ANKRD44: variants seen among roughly 807,000 people sequenced by gnomAD.
ANKRD44 encodes serine/threonine-protein phosphatase 6 regulatory ankyrin repeat subunit B.
A neutral mutation model predicts 116.0 loss-of-function variants in ANKRD44; 35 were observed. The ratio of observed to expected loss-of-function variants is 0.30; its 90% confidence interval spans 0.23 to 0.40. The LOEUF is 0.40. ANKRD44 is among the 10% of genes least tolerant of loss of function. ANKRD44 has a pLI of 1.00. For synonymous variants in ANKRD44, 435 were observed against 461.8 expected (o/e 0.94, Z 0.74); for missense variants, 1,014 against 1,242.6 (o/e 0.82, Z 2.77).
chr2:197,184,999 T>C (rs984137471), intron 2 of ANKRD44, among the ~76,000 whole-genome samples: 5 of 152,234 alleles, frequency 3.3e-5, no homozygotes, highest in Non-Finnish European at 7.3e-5. Context: ...TTTTTTGGTA[T>C]GTATGACAGA....
At chr2:197,307,475 A>G (rs1388710315) in intron 1 of ANKRD44, among the ~76,000 whole-genome samples, 2 of 152,052 alleles carry the variant, frequency 1.3e-5, no homozygotes, top group African/African-American at 4.8e-5. Context: ...CACTGTTACA[A>G]AAGTTACAAA....
intron 2 of ANKRD44, among the ~76,000 whole-genome samples, chr2:197,152,658 A>G (rs558781475): frequency 1.3e-3 from 191 of 152,348 alleles, no homozygotes; most frequent in African/African-American, 4.4e-3. Context: ...AGGTACATGC[A>G]AAGTGAGTTT....
At chr2:197,090,111 C>G in intron 10 of ANKRD44, 79 bp from the exon 11 acceptor site, 1 of 1,140,848 alleles carries the variant, frequency 8.8e-7, no homozygotes, top group East Asian at 2.4e-5. Flanking sequence ...TTTCTAGATT[C>G]TCTGATGAAA....
intron 9 of ANKRD44, among the ~76,000 whole-genome samples, chr2:197,102,431 C>T (rs1346102972): frequency 1.3e-5 from 2 of 152,148 alleles, no homozygotes; most frequent in African/African-American, 4.8e-5. Context: ...ACACTCTAAC[C>T]AGCACAGTAT....
intron 16 of ANKRD44, among the ~76,000 whole-genome samples, chr2:197,069,891 CTT>C (rs199988682): frequency 1.6e-4 from 23 of 144,648 alleles, no homozygotes; most frequent in Non-Finnish European, 2.0e-4. Flanking sequence ...AATGTCTCTC[CTT>C]TTTTTTTTTT....
At chr2:197,011,604 C>G (rs937743911) in intron 18 of ANKRD44, among the ~76,000 whole-genome samples, 82 of 152,078 alleles carry the variant, frequency 5.4e-4, no homozygotes, top group African/African-American at 1.9e-3. Context: ...TCCCGAGTAG[C>G]TGGGACTACA....
Position 197,203,103 on chromosome 2 carries a change from G to A in ANKRD44, c.28-15997C>T, listed in dbSNP as rs192696911. Among the ~76,000 whole-genome samples, 4 of 152,120 alleles carry A rather than the reference G, an allele frequency of 2.6e-5. No individual in the cohort carries two copies. The highest frequency in any genetic ancestry group is 1.9e-4 in the East Asian group (1 of 5,184). On this transcript the variant is annotated intron_variant, in intron 1 of 27. Coordinates refer to ENST00000282272, the MANE Select transcript of ANKRD44 (RefSeq NM_001195144.2). This position sits in a 1 kb window ranked among gnomAD's most constrained non-coding sequence, Gnocchi z 4.1. ...TCTGATTCTTCATCTCAATACCTTC[G>A]AAATCCTACTCCTTTGACCCCACAG...
intron 2 of ANKRD44, among the ~76,000 whole-genome samples, chr2:197,153,972 C>A (rs554742517): frequency 6.6e-6 from 1 of 152,122 alleles, no homozygotes; most frequent in African/African-American, 2.4e-5. Flanking sequence ...ACATGTCTGT[C>A]TGTGCATACA....
At chr2:197,044,427 C>T (rs1383578760) in intron 16 of ANKRD44, among the ~76,000 whole-genome samples, 8 of 152,114 alleles carry the variant, frequency 5.3e-5, no homozygotes, top group Admixed American at 1.3e-4. Context: ...AGTACAGCGG[C>T]GCGATCTCGG....
At chr2:197,005,939 C>G (rs2076194002) in intron 20 of ANKRD44, 29 bp from the exon 21 acceptor site, 1 of 1,609,350 alleles carries the variant, frequency 6.2e-7, no homozygotes. Flanking sequence ...AAACACAAAA[C>G]AAACCTCAGA....
intron 20 of ANKRD44, among the ~76,000 whole-genome samples, chr2:197,006,912 C>T (rs971831390): frequency 6.6e-6 from 1 of 152,106 alleles, no homozygotes; most frequent in Non-Finnish European, 1.5e-5. Context: ...TGAGACCTGC[C>T]TGGGCAACAT....
chr2:196,993,584 A>G lies in ANKRD44; in HGVS notation c.2922T>C (p.Asn974=). Residue 974 remains asparagine (N), a splice_region_variant and synonymous_variant, in exon 27 of 28, where the codon AAT becomes AAC. Transcript: ENST00000282272. ...TCGCTGTTGACTTTTTCCACTTACC[A>G]TTTTCATCTACAGCAAGTACACAGG... ...KGACVLAVDE[N]ASRSNGPRST... is the part of the protein sequence containing the mutation. The G allele has an allele frequency of 1.3e-6, 2 of 1,550,404 alleles. No homozygotes were observed. Among genetic ancestry groups the G allele is most frequent in the Non-Finnish European group, 1.7e-6 (2 of 1,146,716 alleles).
intron 13 of ANKRD44, among the ~76,000 whole-genome samples, chr2:197,085,290 G>T (rs1449960371): frequency 6.6e-6 from 1 of 152,134 alleles, no homozygotes; most frequent in Non-Finnish European, 1.5e-5. Context: ...TCACGACGGG[G>T]CCCAAAGATA....
At chr2:197,186,612 C>CTTTTTTTTTTTTTTTTTTTTTTTTTTT (rs149107038) in intron 2 of ANKRD44, among the ~76,000 whole-genome samples, 1 of 50,808 alleles carries the variant, frequency 2.0e-5, no homozygotes, top group African/African-American at 4.7e-5. Flanking sequence ...GCTAATTTTT[C>CTTTTTTTTTTTTTTTTTTTTTTTTTTT]TTTTTTTTTT....
chr2:196,996,790 G>T (rs1304423216), intron 25 of ANKRD44, among the ~76,000 whole-genome samples: 1 of 151,354 alleles, frequency 6.6e-6, no homozygotes, highest in Admixed American at 6.6e-5. Flanking sequence ...TGTAGTCCCA[G>T]CTACTCGGGT....
intron 1 of ANKRD44, among the ~76,000 whole-genome samples, chr2:197,232,263 G>C (rs7598988): frequency 0.21 from 31,768 of 152,062 alleles, 3,519 homozygotes; most frequent in Middle Eastern, 0.31. Context: ...CAGTGGCTTG[G>C]TGAACTCCAT....
At position 196,989,095 on chromosome 2, in the gene ANKRD44, T is replaced by C; in HGVS notation, c.*496A>G. On this transcript the variant is annotated 3_prime_UTR_variant, in exon 28 of 28. Coordinates refer to ENST00000282272, the MANE Select transcript of ANKRD44 (RefSeq NM_001195144.2). ...GCAGTGGAAATGCTAGGTTTGGCCC[T>C]TGGGCTTTTGGCTAGCCCAGGGTCA... is the stretch of plus-strand genomic sequence containing the variant. 1.0e-6 allele frequency: 1 copy of C among 985,364 alleles called. No homozygotes were observed. The highest frequency in any genetic ancestry group is 1.2e-6 in the Non-Finnish European group (1 of 830,020). The allele number at this position is 985,364 out of a possible 1,614,324, so 61.0% of individuals were successfully genotyped here.
At chr2:197,114,716 C>T (rs899312019) in intron 8 of ANKRD44, among the ~76,000 whole-genome samples, 1 of 152,224 alleles carries the variant, frequency 6.6e-6, no homozygotes, top group East Asian at 1.9e-4. Context: ...CTCAGTGGCC[C>T]TACTACAGAG....
rs1000242143 is a variant in ANKRD44, at chr2:197,170,113, C to T, written c.111+16910G>A. Among the ~76,000 whole-genome samples, 4 of 144,870 alleles carry T rather than the reference C, an allele frequency of 2.8e-5. No homozygotes were observed. In the Admixed American group the frequency reaches 2.9e-4, roughly 10 times the overall value. On this transcript the variant is annotated intron_variant, in intron 2 of 27. Transcript: ENST00000282272. Reference sequence around the variant, plus strand: ...GCTGAGGTGAGAGGTTTGTAGGAACCGAGGAAGTTGAGGCTGCAGTGAGCC... The same window carrying T: ...GCTGAGGTGAGAGGTTTGTAGGAACTGAGGAAGTTGAGGCTGCAGTGAGCC...
Sources: gnomAD v4.1 joint callset for allele counts (sites outside exome capture counted in the v4.1 genomes callset) on GRCh38, gnomAD v4.1.1 for gene constraint, Gnocchi (gnomAD v3.1) non-coding constraint, MANE v1.5 for transcripts, NCBI Gene and HGNC (gene_info 2026-07-23, HGNC 2026-07-21) for gene names.